Variants in SNTG1 observed in about 807,000 individuals in gnomAD.
SNTG1 encodes gamma-1-syntrophin.
Under a neutral mutation model 74.7 loss-of-function variants are expected in SNTG1, and 39 were observed. That is an observed-to-expected ratio of 0.52 (90% CI 0.40 to 0.68). The LOEUF (loss-of-function observed/expected upper bound fraction) is 0.68, where lower values mean the gene tolerates loss of function less well. Ranked by LOEUF, SNTG1 falls within the 30% of genes least tolerant of loss-of-function variation. The pLI, the probability that SNTG1 is intolerant of heterozygous loss-of-function variation, is 0.00. For missense variants in SNTG1, 685 were observed against 609.5 expected (o/e 1.12, Z -1.30); for synonymous variants, 254 against 217.1 (o/e 1.17, Z -1.49).
chr8:50,037,476 A>G (rs1467095380), intron 1 of SNTG1, among the ~76,000 whole-genome samples: 1 of 152,222 alleles, frequency 6.6e-6, no homozygotes, highest in South Asian at 2.1e-4. Flanking sequence ...GCTGAAAATG[A>G]AATTTATAGT....
intron 18 of SNTG1, among the ~76,000 whole-genome samples, chr8:50,784,961 TC>T (rs1481251738): frequency 1.6e-4 from 24 of 151,614 alleles, no homozygotes; most frequent in African/African-American, 5.1e-4. Context: ...AACCAATGGG[TC>T]AAAAAAAATC....
At chr8:50,628,710 C>A (rs78787999) in intron 13 of SNTG1, among the ~76,000 whole-genome samples, 6,542 of 152,106 alleles carry the variant, frequency 0.043, 244 homozygotes, top group African/African-American at 0.094. Context: ...TTGCTTTACT[C>A]TCTTACTTGT....
chr8:50,151,177 A>G (rs2082056219), intron 1 of SNTG1, among the ~76,000 whole-genome samples: 1 of 152,146 alleles, frequency 6.6e-6, no homozygotes, highest in South Asian at 2.1e-4. Context: ...CATTTCTTCT[A>G]GATTTTCTAG....
At chr8:50,024,906 G>A (rs1254455783) in intron 1 of SNTG1, among the ~76,000 whole-genome samples, 1 of 151,990 alleles carries the variant, frequency 6.6e-6, no homozygotes, top group Non-Finnish European at 1.5e-5. Flanking sequence ...CGGACTGGAT[G>A]GCATGAGATC....
chr8:49,947,323 C>T (rs1809286686), intron 1 of SNTG1, among the ~76,000 whole-genome samples: 1 of 152,098 alleles, frequency 6.6e-6, no homozygotes, highest in Non-Finnish European at 1.5e-5. Context: ...TAATTTCTGT[C>T]CTCAATCCGT....
At chr8:50,583,135 CTCATGCCTGTAA>C (rs2094622117) in intron 12 of SNTG1, among the ~76,000 whole-genome samples, 1 of 152,060 alleles carries the variant, frequency 6.6e-6, no homozygotes, top group Admixed American at 6.5e-5. Flanking sequence ...GGCATGGTGG[CTCATGCCTGTAA>C]TCTTAAGTAC....
intron 1 of SNTG1, among the ~76,000 whole-genome samples, chr8:50,107,579 T>A (rs1056046395): frequency 6.6e-6 from 1 of 151,966 alleles, no homozygotes; most frequent in Non-Finnish European, 1.5e-5. Flanking sequence ...TTTTTTTTGT[T>A]TTGTTTTGTT....
intron 1 of SNTG1, among the ~76,000 whole-genome samples, chr8:49,987,592 T>C (rs1813285793): frequency 6.6e-6 from 1 of 152,102 alleles, no homozygotes; most frequent in Non-Finnish European, 1.5e-5. Flanking sequence ...AACAGCCTGC[T>C]ATAATATTAG....
At chr8:50,233,974 GA>G (rs557003397) in intron 2 of SNTG1, among the ~76,000 whole-genome samples, 2 of 151,784 alleles carry the variant, frequency 1.3e-5, no homozygotes, top group South Asian at 4.2e-4. Context: ...AAGCCACTCT[GA>G]AAAAAATGCT....
In SNTG1 at chr8:50,745,094, T is replaced by C. The variant is rs76628320; in HGVS notation, c.1285-6907T>C. ...ATGACTTTTGTACATCAAAGGGTAC[T>C]ACAACAGAGTGCAAAGGTCACCCAC... On this transcript the variant is annotated intron_variant, in intron 17 of 18. Coordinates refer to ENST00000642720, the MANE Select transcript of SNTG1 (RefSeq NM_018967.5). Among the ~76,000 whole-genome samples the C allele has an allele frequency of 2.5e-3, 380 of 152,134 alleles. 2 individuals are homozygous for C. The highest frequency in any genetic ancestry group is 8.8e-3 in the African/African-American group (367 of 41,554).
chr8:50,441,984 A>G (rs1409212633), intron 5 of SNTG1, among the ~76,000 whole-genome samples: 2 of 151,824 alleles, frequency 1.3e-5, no homozygotes, highest in Non-Finnish European at 2.9e-5. Context: ...CTAAATAATA[A>G]GAAAAAAAAA....
chr8:50,411,096 G>C (rs530592478), intron 4 of SNTG1, among the ~76,000 whole-genome samples: 1 of 152,000 alleles, frequency 6.6e-6, no homozygotes. Flanking sequence ...TTATGTTTGC[G>C]CTTCTCCTTG....
chr8:50,591,585 T>A (rs113664775), intron 13 of SNTG1, among the ~76,000 whole-genome samples: 5,051 of 152,316 alleles, frequency 0.033, 132 homozygotes, highest in African/African-American at 0.063. Context: ...GAGGATTAAA[T>A]AATAGCACAT....
At chr8:50,515,832 C>T (rs1431151475) in intron 9 of SNTG1, among the ~76,000 whole-genome samples, 1 of 152,106 alleles carries the variant, frequency 6.6e-6, no homozygotes. Context: ...ACTCCCGTCT[C>T]CCTGGGACAG....
intron 1 of SNTG1, among the ~76,000 whole-genome samples, chr8:50,034,020 A>G (rs1243517527): frequency 6.6e-6 from 1 of 152,176 alleles, no homozygotes; most frequent in African/African-American, 2.4e-5. Context: ...TATTTAATTA[A>G]TTGCTTTTTT....
At chr8:50,134,805 G>T (rs2131423237) in intron 1 of SNTG1, among the ~76,000 whole-genome samples, 1 of 152,210 alleles carries the variant, frequency 6.6e-6, no homozygotes, top group East Asian at 1.9e-4. Context: ...GAGCACAGAT[G>T]GAAGTGTTCA....
Position 50,736,062 on chromosome 8 carries a change from AG to A in SNTG1, c.1285-15938del, listed in dbSNP as rs199822224. Among the ~76,000 whole-genome samples, 1,435 of 152,228 alleles carry A rather than the reference AG, an allele frequency of 9.4e-3. 31 individuals carry two copies. Among genetic ancestry groups the A allele is most frequent in the African/African-American group, 0.032 (1,326 of 41,548 alleles). Reference sequence around the variant, plus strand: ...GGAGAAATAAAATCTTTTACAAACAAGCAAATGCTGAGAGATTTTGTCACCA... The same window carrying A: ...GGAGAAATAAAATCTTTTACAAACAACAAATGCTGAGAGATTTTGTCACCA... On this transcript the variant is annotated intron_variant, in intron 17 of 18. Transcript: ENST00000642720.
intron 17 of SNTG1, among the ~76,000 whole-genome samples, chr8:50,727,508 G>A (rs1490651582): frequency 6.6e-6 from 1 of 152,086 alleles, no homozygotes; most frequent in African/African-American, 2.4e-5. Context: ...AGCCCCACTG[G>A]CTTTTTATGC....
intron 2 of SNTG1, among the ~76,000 whole-genome samples, chr8:50,208,101 G>A (rs1203016201): frequency 2.0e-5 from 3 of 152,158 alleles, no homozygotes; most frequent in Admixed American, 6.5e-5. Flanking sequence ...GCAGAGCTGA[G>A]TTCAATTCCT....
Sources: allele counts gnomAD v4.1 joint callset (sites outside exome capture counted in the v4.1 genomes callset), GRCh38; gene constraint gnomAD v4.1.1; transcripts MANE v1.5; gene names NCBI Gene and HGNC (gene_info 2026-07-23, HGNC 2026-07-21).